PHKA1: variants seen among roughly 807,000 people sequenced by gnomAD.
PHKA1 encodes the protein phosphorylase kinase regulatory subunit alpha 1.
A neutral mutation model predicts 110.2 loss-of-function variants in PHKA1; 60 were observed. That is an observed-to-expected ratio of 0.54 (90% CI 0.44 to 0.68). PHKA1 has a LOEUF of 0.68. Among genes scored for constraint, PHKA1 ranks in the 30% least tolerant of loss-of-function variants. PHKA1 has a pLI of 0.00. For synonymous variants in PHKA1, 316 were observed against 333.6 expected (o/e 0.95, Z 0.58); for missense variants, 801 against 942.5 (o/e 0.85, Z 1.97).
At position 72,602,046 on chromosome X, in the gene PHKA1, T is replaced by C. The variant is rs1556243818; in HGVS notation, c.3034-17A>G. The C allele has an allele frequency of 8.4e-7, 1 of 1,184,432 alleles. No homozygotes were observed. Among genetic ancestry groups the C allele is most frequent in the Non-Finnish European group, 1.1e-6 (1 of 871,999 alleles). On this transcript the variant is annotated splice_polypyrimidine_tract_variant and intron_variant, in intron 27 of 31. Transcript: ENST00000373542. ...AAATTCCACCTGAAACATAAATGGC[T>C]CAAATTAAACTCAGAATGTGAAACA...
chrX:72,628,872 C>T (rs1402810943), intron 16 of PHKA1, among the ~76,000 whole-genome samples: 1 of 110,164 alleles, frequency 9.1e-6, no homozygotes, highest in East Asian at 2.8e-4. Context: ...TTGAGCCACC[C>T]TGCCCAACCT....
At chrX:72,642,458 G>A (rs782392283) in intron 14 of PHKA1, among the ~76,000 whole-genome samples, 3 of 111,994 alleles carry the variant, frequency 2.7e-5, no homozygotes, top group African/African-American at 6.5e-5. Context: ...GAAGGTGACT[G>A]TAAGATCAAC....
chrX:72,656,306 G>A (rs2053496773), intron 9 of PHKA1, 64 bp from the exon 10 acceptor site: 5 of 1,102,812 alleles, frequency 4.5e-6, no homozygotes, highest in Admixed American at 2.2e-5. Context: ...TAGCTCAGAG[G>A]TATTATAATA....
intron 3 of PHKA1, among the ~76,000 whole-genome samples, chrX:72,703,060 C>G (rs2054228204): frequency 9.0e-6 from 1 of 111,302 alleles, no homozygotes. Context: ...TCTCATGTCT[C>G]CCTAAAATGT....
Position 72,636,334 on chromosome X carries a change from C to T in PHKA1, c.1512G>A (p.Val504=). The T allele has an allele frequency of 8.3e-7, 1 of 1,205,405 alleles. No individual in the cohort carries two copies. The highest frequency in any genetic ancestry group is 1.1e-6 in the Non-Finnish European group (1 of 889,694). The change falls in exon 15 of 32, where the codon GTG becomes GTA. Residue 504 remains valine (V), a synonymous_variant. Transcript: ENST00000373542. ...TGTCATAGAGTTTTGAAGTTCCAAG[C>T]ACTCCCATGTGTCTGTAGGGTCGTC... ...LSGRPYRHMG[V]LGTSKLYDIR... is the part of the protein sequence containing the mutation.
chrX:72,688,026 A>C (rs1478442439), intron 4 of PHKA1, among the ~76,000 whole-genome samples: 1 of 109,555 alleles, frequency 9.1e-6, no homozygotes, highest in Non-Finnish European at 1.9e-5. Flanking sequence ...AAGGGGTTTC[A>C]CCATGTTGGC....
intron 5 of PHKA1, among the ~76,000 whole-genome samples, chrX:72,681,711 G>T (rs1170656706): frequency 7.6e-5 from 6 of 79,136 alleles, no homozygotes; most frequent in African/African-American, 3.1e-4. Context: ...CCCCGTCCGG[G>T]AGGGAGGTGG....
chrX:72,693,867 G>C (rs1053569925), intron 4 of PHKA1, among the ~76,000 whole-genome samples: 8 of 111,547 alleles, frequency 7.2e-5, no homozygotes, highest in Admixed American at 2.9e-4. Flanking sequence ...GTGGAGGGGG[G>C]AGTAGATTTA....
intron 13 of PHKA1, among the ~76,000 whole-genome samples, chrX:72,644,999 A>G (rs1342842366): frequency 2.0e-4 from 22 of 111,560 alleles, no homozygotes; most frequent in Non-Finnish European, 7.5e-5. Context: ...AAGGTATTAT[A>G]GTTGAAACTG....
chrX:72,667,891 G>A (rs1556307122), intron 6 of PHKA1, among the ~76,000 whole-genome samples: 1 of 111,666 alleles, frequency 9.0e-6, no homozygotes, highest in Non-Finnish European at 1.9e-5. Flanking sequence ...AGTACAGAGA[G>A]GGCAAGAAAA....
intron 29 of PHKA1, among the ~76,000 whole-genome samples, chrX:72,586,875 G>A (rs2052439479): frequency 9.1e-6 from 1 of 110,088 alleles, no homozygotes; most frequent in Admixed American, 9.8e-5. Context: ...GAAGAGAAGT[G>A]TAGACAAAAA....
At chrX:72,661,743 C>CAAAAAAAAAAAAAAAAAA (rs782779792) in intron 8 of PHKA1, among the ~76,000 whole-genome samples, 1 of 33,112 alleles carries the variant, frequency 3.0e-5, no homozygotes. Context: ...AATGTACTGA[C>CAAAAAAAAAAAAAAAAAA]AAAAAAAAAA....
At chrX:72,658,487 C>T (rs1444911150) in intron 8 of PHKA1, among the ~76,000 whole-genome samples, 9 of 107,456 alleles carry the variant, frequency 8.4e-5, no homozygotes, top group African/African-American at 3.1e-4. Context: ...AACTTTGGTA[C>T]GATACTATTA....
intron 16 of PHKA1, among the ~76,000 whole-genome samples, chrX:72,631,928 T>A (rs2053171694): frequency 8.9e-6 from 1 of 112,199 alleles, no homozygotes; most frequent in African/African-American, 3.2e-5. Flanking sequence ...TCATAAATTA[T>A]AAGTAGTGGT....
chrX:72,672,704 C>T (rs1556309738), intron 6 of PHKA1, among the ~76,000 whole-genome samples: 1 of 111,804 alleles, frequency 8.9e-6, no homozygotes, highest in East Asian at 2.8e-4. Flanking sequence ...ACATTCAAGT[C>T]ATAGCAATTA....
chrX:72,650,257 T>C (rs781856197), intron 13 of PHKA1, 133 bp downstream of exon 13: 24 of 521,168 alleles, frequency 4.6e-5, no homozygotes, highest in Admixed American at 4.6e-4. Context: ...CCGAACAAAG[T>C]TCATTGTATA....
In PHKA1 at chrX:72,644,369, G is replaced by A; in HGVS notation, c.1452C>T (p.Ser484=). ...GCTAGCCAATCTCCTTACCTAGGCT[G>A]GAATAAATGTGGCTGAGAATACGAG... ...QPARILSHIY[S]SLGCNNRMKL... The change falls in exon 14 of 32, where the codon TCC becomes TCT. Residue 484 remains serine (S), a synonymous_variant. Coordinates refer to ENST00000373542, the MANE Select transcript of PHKA1 (RefSeq NM_002637.4). The A allele has an allele frequency of 8.3e-7, 1 of 1,209,993 alleles. No homozygotes were observed. The highest frequency in any genetic ancestry group is 1.1e-6 in the Non-Finnish European group (1 of 894,286).
At chrX:72,592,384 C>G (rs782227640) in intron 29 of PHKA1, among the ~76,000 whole-genome samples, 3 of 112,282 alleles carry the variant, frequency 2.7e-5, no homozygotes, top group Non-Finnish European at 3.8e-5. Flanking sequence ...TCTTCAGGTC[C>G]TTATTAAAGC....
chrX:72,612,670 T>C (rs1168236120), intron 21 of PHKA1, among the ~76,000 whole-genome samples: 1 of 111,519 alleles, frequency 9.0e-6, no homozygotes, highest in African/African-American at 3.3e-5. Context: ...TCAGAAAATA[T>C]GAAGTAGATC....
Sources: gnomAD v4.1 joint callset for allele counts (sites outside exome capture counted in the v4.1 genomes callset) on GRCh38, gnomAD v4.1.1 for gene constraint, MANE v1.5 for transcripts, NCBI Gene and HGNC (gene_info 2026-07-23, HGNC 2026-07-21) for gene names.